The following MTUS1 variants were observed in gnomAD, a reference collection of about 807,000 sequenced individuals.
The protein encoded by MTUS1 is microtubule-associated tumor suppressor 1.
Under a neutral mutation model 120.8 loss-of-function variants are expected in MTUS1, and 109 were observed. The observed-to-expected ratio is 0.90, with a 90% CI of 0.77 to 1.06. MTUS1 has a LOEUF of 1.06. MTUS1 is among the 50% of genes least tolerant of loss of function. The pLI, the probability that MTUS1 is intolerant of heterozygous loss-of-function variation, is 0.00. For missense variants in MTUS1, 2,210 were observed against 1,486.3 expected, an observed-to-expected ratio of 1.49 and a Z score of -8.01; for synonymous variants, 737 against 550.5, an observed-to-expected ratio of 1.34 and a Z score of -4.74.
rs1168542714 is a variant in MTUS1, at chr8:17,754,052, G to T, written c.1756C>A (p.Gln586Lys). The T allele has an allele frequency of 6.2e-7, 1 of 1,613,996 alleles. No individual in the cohort carries two copies. Among genetic ancestry groups the T allele is most frequent in the South Asian group, 1.1e-5 (1 of 91,062 alleles). Residue 586 changes from glutamine (Q) to lysine (K), a missense_variant, in exon 2 of 15, where the codon CAG becomes AAG. Gln to Lys is a moderately conservative substitution (Grantham distance 53, BLOSUM62 1). Coordinates refer to ENST00000693296, the MANE Select transcript of MTUS1 (RefSeq NM_001363059.2). ...KQQFNKLITSQAVHVTTHSKN... is the reference protein window; with the variant it reads ...KQQFNKLITSKAVHVTTHSKN... Reference sequence around the variant, plus strand: ...GAATGAGTTGTAACATGCACAGCCTGGCTAGTAATGAGTTTATTAAACTGC... The same window carrying T: ...GAATGAGTTGTAACATGCACAGCCTTGCTAGTAATGAGTTTATTAAACTGC...
intron 1 of MTUS1, among the ~76,000 whole-genome samples, chr8:17,784,956 TG>T (rs1223617554): frequency 3.3e-5 from 5 of 151,998 alleles, no homozygotes; most frequent in Non-Finnish European, 1.5e-5. Flanking sequence ...GGCTAATTTT[TG>T]TATTTTTTGT....
At chr8:17,786,127 G>A (rs144328941) in intron 1 of MTUS1, among the ~76,000 whole-genome samples, 177 of 152,188 alleles carry the variant, frequency 1.2e-3, no homozygotes, top group African/African-American at 3.5e-3. Context: ...GTGACAGAGC[G>A]AGACCCCATC....
intron 2 of MTUS1, 69 bp from the exon 3 acceptor site, chr8:17,743,868 C>G: frequency 2.9e-6 from 4 of 1,379,066 alleles, no homozygotes; most frequent in Non-Finnish European, 4.0e-6. Context: ...ACTGAATGGG[C>G]CCCTCCTCTA....
intron 1 of MTUS1, among the ~76,000 whole-genome samples, chr8:17,772,273 T>C (rs1586314481): frequency 6.6e-6 from 1 of 152,220 alleles, no homozygotes; most frequent in African/African-American, 2.4e-5. Flanking sequence ...CAAAACAAAA[T>C]AACTGAAACA....
At chr8:17,743,078 A>C (rs1017188306) in intron 3 of MTUS1, among the ~76,000 whole-genome samples, 5 of 151,254 alleles carry the variant, frequency 3.3e-5, no homozygotes, top group Middle Eastern at 6.8e-3. Context: ...CTCACATTTC[A>C]TTGGCCTAAC....
Position 17,723,833 on chromosome 8 carries a change from C to T in MTUS1, c.2288G>A (p.Gly763Glu), listed in dbSNP as rs762674636. The change falls in exon 4 of 15, where the codon GGA (glycine) becomes GAA (glutamate). Residue 763 changes from glycine (G) to glutamate (E), a missense_variant and splice_region_variant. Transcript: ENST00000693296. ...PQRIRRVSSS[G>E]KPTSLKTAQS... ...TGCAGTTTTCAAGGATGTAGGCTTTCCTTGGGGTTTAAAAAAAACAAAAAG... is the reference window on the plus strand; with the variant it reads ...TGCAGTTTTCAAGGATGTAGGCTTTTCTTGGGGTTTAAAAAAAACAAAAAG... The T allele has an allele frequency of 1.9e-6, 3 of 1,551,308 alleles. No homozygotes were observed. The highest frequency in any genetic ancestry group is 2.6e-6 in the Non-Finnish European group (3 of 1,150,572).
In MTUS1 at chr8:17,755,089, T is replaced by C; in HGVS notation, c.719A>G (p.Asp240Gly). The C allele has an allele frequency of 6.2e-6, 10 of 1,613,902 alleles. No individual in the cohort carries two copies. The highest frequency in any genetic ancestry group is 7.6e-6 in the Non-Finnish European group (9 of 1,180,038). Residue 240 changes from aspartate to glycine, a missense_variant, in exon 2 of 15, where the codon GAC (aspartate) becomes GGC (glycine). Asp to Gly is a moderately conservative substitution (Grantham distance 94, BLOSUM62 -1). Coordinates refer to ENST00000693296, the MANE Select transcript of MTUS1 (RefSeq NM_001363059.2). ...NPQVTPSEAQ[D>G]MTYTAFSDVV... The stretch of plus-strand genomic sequence containing the variant: ...ATCAGAAAATGCTGTGTAAGTCATG[T>C]CTTGGGCTTCTGATGGTGTGACTTG...
chr8:17,688,940 G>T (rs149048767), intron 6 of MTUS1, among the ~76,000 whole-genome samples: 1 of 152,008 alleles, frequency 6.6e-6, no homozygotes. Flanking sequence ...GGCCGGGTGC[G>T]GTGGCTCACA....
chr8:17,660,100 C>A (rs756895016), intron 8 of MTUS1, among the ~76,000 whole-genome samples: 2 of 152,130 alleles, frequency 1.3e-5, no homozygotes, highest in Non-Finnish European at 2.9e-5. Flanking sequence ...TGGCCGGGTG[C>A]AGTGGCTCAC....
At chr8:17,785,200 GCCT>G (rs2051204994) in intron 1 of MTUS1, among the ~76,000 whole-genome samples, 1 of 19,668 alleles carries the variant, frequency 5.1e-5, no homozygotes, top group Non-Finnish European at 3.6e-4. Flanking sequence ...CCTTCAAAGA[GCCT>G]CCAAAGAGCC....
intron 1 of MTUS1, among the ~76,000 whole-genome samples, chr8:17,775,489 C>G (rs1197715152): frequency 6.6e-6 from 1 of 152,186 alleles, no homozygotes; most frequent in African/African-American, 2.4e-5. Context: ...CCCTACACAC[C>G]TGCCAGGTGG....
At chr8:17,722,317 A>G (rs985641512) in intron 4 of MTUS1, 31 of 970,820 alleles carry the variant, frequency 3.2e-5, no homozygotes, top group Non-Finnish European at 3.7e-5. Flanking sequence ...TTCTGTTGCC[A>G]CAACAGTTTT....
At chr8:17,690,328 G>T (rs555460651) in intron 6 of MTUS1, among the ~76,000 whole-genome samples, 3 of 152,050 alleles carry the variant, frequency 2.0e-5, no homozygotes. Flanking sequence ...TGAAAACCAC[G>T]ATGAGATACC....
In MTUS1 at chr8:17,728,835, G is replaced by T. The variant is rs1030410874; in HGVS notation, c.2288-5002C>A. ...TTAGCATTTACATCAGAACTTGATT[G>T]TGTGGTAGCAGTGTGCAGAACTGAC... On this transcript the variant is annotated intron_variant, in intron 3 of 14. Coordinates refer to ENST00000693296, the MANE Select transcript of MTUS1 (RefSeq NM_001363059.2). Among the ~76,000 whole-genome samples the T allele has an allele frequency of 1.1e-4, 16 of 152,288 alleles. No individual in the cohort carries two copies. In the East Asian group the frequency reaches 3.1e-3, roughly 29 times the overall value.
chr8:17,777,119 C>A, intron 1 of MTUS1, among the ~76,000 whole-genome samples: 1 of 152,072 alleles, frequency 6.6e-6, no homozygotes, highest in East Asian at 1.9e-4. Context: ...TGCAATTTTC[C>A]CACCCCCAGC....
chr8:17,734,684 G>C (rs1406611309), intron 3 of MTUS1, among the ~76,000 whole-genome samples: 1 of 152,088 alleles, frequency 6.6e-6, no homozygotes, highest in Non-Finnish European at 1.5e-5. Flanking sequence ...AAGACTTAAA[G>C]GTGTTGCTTC....
intron 6 of MTUS1, among the ~76,000 whole-genome samples, chr8:17,701,781 C>G (rs1331049239): frequency 2.0e-5 from 3 of 152,156 alleles, no homozygotes; most frequent in African/African-American, 7.2e-5. Context: ...AATCTCCTGA[C>G]CTTGTGATCC....
chr8:17,669,360 T>C (rs1811541249), intron 8 of MTUS1, among the ~76,000 whole-genome samples: 1 of 151,922 alleles, frequency 6.6e-6, no homozygotes, highest in South Asian at 2.1e-4. Context: ...GTGCAAAAGA[T>C]GTGGACAAGA....
At chr8:17,736,591 C>A (rs2046949695) in intron 3 of MTUS1, among the ~76,000 whole-genome samples, 1 of 151,532 alleles carries the variant, frequency 6.6e-6, no homozygotes, top group Non-Finnish European at 1.5e-5. Flanking sequence ...TTATTTTTTG[C>A]TTGTTTTTTT....
Sources: gnomAD v4.1 joint callset for allele counts (sites outside exome capture counted in the v4.1 genomes callset) on GRCh38, gnomAD v4.1.1 for gene constraint, MANE v1.5 for transcripts, NCBI Gene and HGNC (gene_info 2026-07-23, HGNC 2026-07-21) for gene names.